MUC4: variants seen among roughly 807,000 people sequenced by gnomAD.
MUC4 encodes mucin-4.
MUC4 carries 202 observed loss-of-function variants against 257.9 expected under a neutral mutation model. The observed-to-expected ratio is 0.78, with a 90% CI of 0.70 to 0.88. MUC4 has a LOEUF of 0.88. Ranked by LOEUF, MUC4 falls within the 40% of genes least tolerant of loss-of-function variation. The pLI, the probability that MUC4 is intolerant of heterozygous loss-of-function variation, is 0.00. For missense variants in MUC4, 5,976 were observed against 6,513.7 expected, an observed-to-expected ratio of 0.92 and a Z score of 2.84; for synonymous variants, 2,351 against 2,757.1, an observed-to-expected ratio of 0.85 and a Z score of 4.62.
In MUC4 at chr3:195,770,207, T is replaced by C; in HGVS notation, c.13398+9A>G. The C allele has an allele frequency of 6.3e-7, 1 of 1,592,006 alleles. No homozygotes were observed. The highest frequency in any genetic ancestry group is 1.1e-5 in the South Asian group (1 of 88,246). ...ATAGCTCCTGGGAGCTGCCCAGGGG[T>C]CTACTCACCCCGAGGGTCCACTGGG... On this transcript the variant is annotated intron_variant, in intron 6 of 24. Coordinates refer to ENST00000463781, the MANE Select transcript of MUC4 (RefSeq NM_018406.7).
At chr3:195,769,345 G>A (rs898660278) in intron 6 of MUC4, 193 bp from the exon 7 acceptor site, 20 of 703,080 alleles carry the variant, frequency 2.8e-5, no homozygotes, top group African/African-American at 2.0e-4. Flanking sequence ...CCCTGGGTGC[G>A]AACGCACTTA....
chr3:195,783,991 G>C lies in MUC4; in HGVS notation c.7589C>G (p.Pro2530Arg), dbSNP rs1337139716. 2.0e-6 allele frequency: 3 copies of C among 1,531,380 alleles called. No homozygotes were observed. Among genetic ancestry groups the C allele is most frequent in the Non-Finnish European group, 2.6e-6 (3 of 1,139,922 alleles). 94.9% of individuals were successfully genotyped at this position (1,531,380 alleles called of 1,614,324 possible). Residue 2530 changes from proline to arginine, a missense_variant, in exon 2 of 25, where the codon CCT becomes CGT. Physicochemically the swap from Pro to Arg is moderately radical, Grantham distance 103. This residue lies in a region of MUC4 where 135 missense variants were observed against 114.7 expected (regional missense o/e 1.18). Coordinates refer to ENST00000463781, the MANE Select transcript of MUC4 (RefSeq NM_018406.7). The part of the protein sequence containing the change: ...SASTGDTTPL[P>R]VTNASSLSTR... ...GGATAATGAGGAAGCATTGGTGACA[G>C]GAAGAGGGGTGGTGTCACCTGTGGA...
intron 1 of MUC4, among the ~76,000 whole-genome samples, chr3:195,795,711 A>T (rs1734484963): frequency 6.6e-6 from 1 of 152,138 alleles, no homozygotes; most frequent in Non-Finnish European, 1.5e-5. Flanking sequence ...AAGAAAAAAG[A>T]AAAAGGAAGC....
chr3:195,796,048 A>T (rs1734542480), intron 1 of MUC4, among the ~76,000 whole-genome samples: 1 of 151,994 alleles, frequency 6.6e-6, no homozygotes, highest in Non-Finnish European at 1.5e-5. Flanking sequence ...TAAGAAAAAA[A>T]CCTGGCTAAA....
chr3:195,774,152 G>T lies in MUC4; in HGVS notation c.13077+20C>A. The T allele has an allele frequency of 6.3e-7, 1 of 1,589,748 alleles. No homozygotes were observed. ...TGGGCCCTGGGAGTTCAGGCTGCGC[G>T]GGCCGCAGCCCGGACTCACGTAGAG... On this transcript the variant is annotated intron_variant, in intron 4 of 24. Transcript: ENST00000463781.
rs554819539 is a variant in MUC4 at position 195,786,687 on chromosome 3, G to T, written c.4893C>A (p.Thr1631=). The T allele has an allele frequency of 6.1e-4, 939 of 1,535,810 alleles. No homozygotes were observed. In the African/African-American group the frequency reaches 0.012, roughly 20 times the overall value. The change falls in exon 2 of 25, where the codon ACC becomes ACA. Residue 1631 remains threonine (T), a synonymous_variant. Coordinates refer to ENST00000463781, the MANE Select transcript of MUC4 (RefSeq NM_018406.7). The part of the protein sequence containing the change: ...DTSSASTGDT[T]PLPVTNASSL... ...AGGAAGCATTGGTGACAGGAAGAGG[G>T]GTGGTGTCACCTGTGGATGCTGAGG... is the stretch of plus-strand genomic sequence containing the variant.
intron 13 of MUC4, among the ~76,000 whole-genome samples, chr3:195,762,545 A>C (rs78006401): frequency 1.6e-3 from 169 of 104,030 alleles, no homozygotes; most frequent in Middle Eastern, 6.4e-3. Flanking sequence ...CCTGCACCGC[A>C]ACGCACCCGG....
rs866831959 is a variant in MUC4 at position 195,775,618 on chromosome 3, A to G, written c.12944-1313T>C. On this transcript the variant is annotated intron_variant, in intron 3 of 24. Transcript: ENST00000463781. ...TACCTTCCACACCCATACCTTCCAC[A>G]GTCATACCTTCCACACCCATACCTT... is the stretch of plus-strand genomic sequence containing the variant. Among the ~76,000 whole-genome samples, 487 of 67,866 alleles carry G rather than the reference A, an allele frequency of 7.2e-3. 1 individual carries two copies. Among genetic ancestry groups the G allele is most frequent in the African/African-American group, 0.01 (123 of 11,940 alleles). The allele number at this position is 67,866 out of a possible 152,430, so 44.5% of individuals were successfully genotyped here. A position where few individuals can be genotyped will look rare whatever the true frequency, so the allele number is the denominator to read the frequency against.
chr3:195,779,390 G>A lies in MUC4; in HGVS notation c.12190C>T (p.Pro4064Ser), dbSNP rs377680835. 2.3e-5 allele frequency: 27 copies of A among 1,183,604 alleles called. 7 individuals carry two copies. The highest frequency in any genetic ancestry group is 1.9e-4 in the African/African-American group (9 of 47,668). The allele number at this position is 1,183,604 out of a possible 1,614,324, so 73.3% of individuals were successfully genotyped here. A position where few individuals can be genotyped will look rare whatever the true frequency, so the allele number is the denominator to read the frequency against. Reference protein sequence around the residue: ...ASSLSTGHATPLHVTSPSSAS... With the variant: ...ASSLSTGHATSLHVTSPSSAS... ...GAGGAAGGGCTGGTGACATGAAGAG[G>A]GGTGGCGTGACCTGTGGATAATGAG... The change falls in exon 2 of 25, where the codon CCT (proline) becomes TCT (serine). Residue 4064 changes from proline to serine, a missense_variant. Physicochemically the swap from Pro to Ser is moderately conservative, Grantham distance 74. Around this residue, in one of 44 missense-constraint regions of MUC4, gnomAD observed 293 missense variants for 294.5 expected, o/e 1.00. Coordinates refer to ENST00000463781, the MANE Select transcript of MUC4 (RefSeq NM_018406.7).
intron 20 of MUC4, 107 bp from the exon 21 acceptor site, chr3:195,752,553 GGT>G (rs1346647234): frequency 1.1e-6 from 1 of 933,150 alleles, no homozygotes; most frequent in Non-Finnish European, 1.7e-6. Context: ...AGTGACAGAA[GGT>G]CACTGAAGAA....
rs750987044 is a variant in MUC4, at chr3:195,781,147, G to C, written c.10433C>G (p.Pro3478Arg). Residue 3478 changes from proline (P) to arginine (R), a missense_variant, in exon 2 of 25, where the codon CCT (proline) becomes CGT (arginine). Pro to Arg is a moderately radical substitution (Grantham distance 103). Coordinates refer to ENST00000463781, the MANE Select transcript of MUC4 (RefSeq NM_018406.7). ...GGTGTGACCTGTAGATGCTGAGGAA[G>C]GGCTGGTGACAGGAAGAGGGGTGGT... is the stretch of plus-strand genomic sequence containing the variant. ...GDTTPLPVTS[P>R]SSASTGHTTP... The C allele has an allele frequency of 6.6e-6, 7 of 1,068,144 alleles. No individual in the cohort carries two copies. Among genetic ancestry groups the C allele is most frequent in the Admixed American group, 3.1e-5 (1 of 32,706 alleles). The allele number at this position is 1,068,144 out of a possible 1,614,324, so 66.2% of individuals were successfully genotyped here.
In MUC4 at chr3:195,746,908, ACG is replaced by A. The variant is rs1342186840; in HGVS notation, c.*266_*267del. ...CTCGTGTGTGTGTGTGTGTGTGTGCACGCGCGCGTGCACAGGCTAGTGTCCTT... is the reference window on the plus strand; with the variant it reads ...CTCGTGTGTGTGTGTGTGTGTGTGCACGCGCGTGCACAGGCTAGTGTCCTT... On this transcript the variant is annotated 3_prime_UTR_variant, in exon 25 of 25. Transcript: ENST00000463781. 2.0e-5 allele frequency: 11 copies of A among 559,352 alleles called. No individual in the cohort carries two copies. The highest frequency in any genetic ancestry group is 1.9e-4 in the African/African-American group (10 of 52,152). The allele number at this position is 559,352 out of a possible 1,614,324, so 34.6% of individuals were successfully genotyped here.
chr3:195,750,698 T>C, intron 23 of MUC4, 191 bp downstream of exon 23: 3 of 616,658 alleles, frequency 4.9e-6, no homozygotes, highest in Non-Finnish European at 8.5e-6. Flanking sequence ...GCTGTATACG[T>C]GTGACTGCCT....
chr3:195,765,945 C>T (rs914313067), intron 8 of MUC4, among the ~76,000 whole-genome samples: 4 of 152,024 alleles, frequency 2.6e-5, no homozygotes, highest in Non-Finnish European at 5.9e-5. Context: ...AACGTGAGAC[C>T]CCCGGGCCTC....
At chr3:195,773,101 T>C (rs1243523814) in intron 4 of MUC4, among the ~76,000 whole-genome samples, 3 of 104,800 alleles carry the variant, frequency 2.9e-5, no homozygotes, top group Non-Finnish European at 3.9e-5. Context: ...GTAGACATCC[T>C]CTCTCCATCG....
At chr3:195,775,498 A>G (rs199676607) in intron 3 of MUC4, among the ~76,000 whole-genome samples, 414 of 39,904 alleles carry the variant, frequency 0.01, 8 homozygotes, top group African/African-American at 0.021. Flanking sequence ...TACCTTCCAC[A>G]GCCATACCTT....
Position 195,811,892 on chromosome 3 carries a change from G to A in MUC4, c.-75C>T. On this transcript the variant is annotated 5_prime_UTR_variant, in exon 1 of 25. Transcript: ENST00000463781. ...CAGCTGCAGTGTGAGGAGCAGACGT[G>A]AGCCCGTCCCCTCAGGCGGCTGGCC... The A allele has an allele frequency of 3.5e-6, 5 of 1,446,656 alleles. No homozygotes were observed. The South Asian group carries it at 6.0e-5, about 17-fold the overall frequency. 89.6% of individuals were successfully genotyped at this position (1,446,656 alleles called of 1,614,324 possible). A position where few individuals can be genotyped will look rare whatever the true frequency, so the allele number is the denominator to read the frequency against.
At position 195,760,624 on chromosome 3, in the gene MUC4, C is replaced by G. The variant is rs150027663; in HGVS notation, c.14848+260G>C. ...GGAGTGAAGGGGGCTGGGAAGGCATCCAGCGCTAGGATGGACGGAGGGGGC... is the reference window on the plus strand; with the variant it reads ...GGAGTGAAGGGGGCTGGGAAGGCATGCAGCGCTAGGATGGACGGAGGGGGC... On this transcript the variant is annotated intron_variant, in intron 16 of 24. Coordinates refer to ENST00000463781, the MANE Select transcript of MUC4 (RefSeq NM_018406.7). 6.0e-3 allele frequency among the ~76,000 whole-genome samples: 708 copies of G among 118,378 alleles called. 7 individuals carry two copies. The highest frequency in any genetic ancestry group is 0.02 in the African/African-American group (683 of 34,206). 77.7% of individuals were successfully genotyped at this position (118,378 alleles called of 152,430 possible). A position where few individuals can be genotyped will look rare whatever the true frequency, so the allele number is the denominator to read the frequency against.
At chr3:195,762,567 AACGCACCGGGCCCTGCACCGCC>A (rs772886048) in intron 13 of MUC4, among the ~76,000 whole-genome samples, 15 of 87,944 alleles carry the variant, frequency 1.7e-4, no homozygotes, top group Non-Finnish European at 2.1e-4. Context: ...CCTGCACCGC[AACGCACCGGGCCCTGCACCGCC>A]ACGCACCCGG....
Sources: gnomAD v4.1 joint callset for allele counts (sites outside exome capture counted in the v4.1 genomes callset) on GRCh38, gnomAD v4.1.1 for gene constraint, gnomAD v4.1.1 regional missense constraint, MANE v1.5 for transcripts, NCBI Gene and HGNC (gene_info 2026-07-23, HGNC 2026-07-21) for gene names.